The following POMT1 variants were observed in gnomAD, a reference collection of about 807,000 sequenced individuals.
The protein encoded by POMT1 is protein O-mannosyltransferase 1.
Under a neutral mutation model 101.6 loss-of-function variants are expected in POMT1, and 85 were observed. The observed-to-expected ratio is 0.84, with a 90% confidence interval of 0.70 to 1.00. The LOEUF is 1.00. POMT1 is among the 50% of genes least tolerant of loss of function. POMT1 has a pLI of 0.00. For missense variants in POMT1, 857 were observed against 930.4 expected, an observed-to-expected ratio of 0.92 and a Z score of 1.03; for synonymous variants, 371 against 383.0, an observed-to-expected ratio of 0.97 and a Z score of 0.37.
intron 10 of POMT1, 148 bp downstream of exon 10, chr9:131,511,615 T>C (rs1947130293): frequency 9.1e-7 from 1 of 1,104,910 alleles, no homozygotes; most frequent in Admixed American, 2.0e-5. Context: ...CCAGTGAGCT[T>C]CGTGGTTCCC....
At chr9:131,505,161 C>A (rs542848502) in intron 2 of POMT1, among the ~76,000 whole-genome samples, 14 of 152,110 alleles carry the variant, frequency 9.2e-5, no homozygotes, top group South Asian at 2.1e-4. Context: ...AATGACCCCC[C>A]CACACACACC....
chr9:131,521,540 G>A (rs1949917126), intron 18 of POMT1, 68 bp downstream of exon 18: 1 of 1,565,804 alleles, frequency 6.4e-7, no homozygotes, highest in Non-Finnish European at 8.8e-7. Flanking sequence ...GTGTTGTCCA[G>A]GGTGTTCTTG....
chr9:131,518,911 C>T lies in POMT1; in HGVS notation c.1440C>T (p.Tyr480=), dbSNP rs1217336356. The T allele has an allele frequency of 6.2e-7, 1 of 1,613,818 alleles. No individual in the cohort carries two copies. Among genetic ancestry groups the T allele is most frequent in the Non-Finnish European group, 8.5e-7 (1 of 1,180,036 alleles). The stretch of plus-strand genomic sequence containing the variant: ...TCGGGGAGAAGCTGTCCCGGGGCTA[C>T]CACGGGAGCACGGTGTGGAACGTGG... ...EIVGEKLSRG[Y]HGSTVWNVEE... is the part of the protein sequence containing the mutation. The change falls in exon 15 of 20, where the codon TAC becomes TAT. Residue 480 remains tyrosine, a synonymous_variant. Coordinates refer to ENST00000402686, the MANE Select transcript of POMT1 (RefSeq NM_001077365.2).
intron 12 of POMT1, among the ~76,000 whole-genome samples, chr9:131,514,997 A>T (rs1947993459): frequency 6.6e-6 from 1 of 152,166 alleles, no homozygotes; most frequent in African/African-American, 2.4e-5. Flanking sequence ...ATTGAGGTTG[A>T]TAGCCTTTTC....
At chr9:131,512,007 G>A (rs770851958) in intron 10 of POMT1, 34 bp from the exon 11 acceptor site, 11 of 1,613,188 alleles carry the variant, frequency 6.8e-6, no homozygotes, top group Non-Finnish European at 9.3e-6. Context: ...CACCGCGCCT[G>A]GCCCAGATAC....
rs200195080 is a variant in POMT1, at chr9:131,521,489, C to T, written c.1825+17C>T. 1.1e-4 allele frequency: 172 copies of T among 1,612,720 alleles called. No individual in the cohort carries two copies. The highest frequency in any genetic ancestry group is 1.4e-4 in the Non-Finnish European group (161 of 1,178,978). ...TCCCTCAGGGTTAGTACCTCTCCCA[C>T]ATGGCTTTCTTTCTTTTTAATATAG... On this transcript the variant is annotated intron_variant, in intron 18 of 19. Transcript: ENST00000402686.
At chr9:131,505,875 G>A (rs947610163) in intron 2 of POMT1, among the ~76,000 whole-genome samples, 18 of 152,128 alleles carry the variant, frequency 1.2e-4, no homozygotes, top group African/African-American at 4.3e-4. Context: ...GACAGAATCT[G>A]TATGGGCAGG....
At position 131,507,493 on chromosome 9, in the gene POMT1, G is replaced by A; in HGVS notation, c.406G>A (p.Ala136Thr). 1.2e-6 allele frequency: 2 copies of A among 1,614,182 alleles called. No homozygotes were observed. Among genetic ancestry groups the A allele is most frequent in the Non-Finnish European group, 1.7e-6 (2 of 1,180,046 alleles). Reference protein sequence around the residue: ...LHFSHCAAMGAALLMLIENAL... With the variant: ...LHFSHCAAMGTALLMLIENAL... ...CTTTTCTCATTGTGCCGCCATGGGA[G>A]CTGCTCTGTTGATGCTTATCGGTAA... Residue 136 changes from alanine (A) to threonine (T), a missense_variant, in exon 5 of 20, where the codon GCT becomes ACT. Physicochemically the swap from Ala to Thr is moderately conservative, Grantham distance 58. Transcript: ENST00000402686.
chr9:131,521,680 T>C (rs375713522), intron 18 of POMT1, among the ~76,000 whole-genome samples: 2 of 152,246 alleles, frequency 1.3e-5, no homozygotes, highest in East Asian at 1.9e-4. Flanking sequence ...CGCGGCCTCT[T>C]TGTTTCTGTA....
chr9:131,522,095 G>A lies in POMT1; in HGVS notation c.1874G>A (p.Trp625Ter). The A allele has an allele frequency of 4.3e-6, 7 of 1,614,116 alleles. No individual in the cohort carries two copies. The highest frequency in any genetic ancestry group is 5.9e-6 in the Non-Finnish European group (7 of 1,180,048). Residue 625 changes from tryptophan (W) to a stop codon, truncating the protein, a stop_gained, in exon 19 of 20, where the codon TGG becomes TAG. Coordinates refer to ENST00000402686, the MANE Select transcript of POMT1 (RefSeq NM_001077365.2). LOFTEE classifies it high-confidence loss of function. The surrounding 1 kb of genome is among the most constrained non-coding windows in gnomAD (Gnocchi z 5.5). ...VLAGALCAGG[W>*]AVNYLPFFLM... Reference sequence around the variant, plus strand: ...GCTGGGGCGCTGTGTGCCGGTGGCTGGGCAGTGAACTACCTCCCGTTCTTC... The same window carrying A: ...GCTGGGGCGCTGTGTGCCGGTGGCTAGGCAGTGAACTACCTCCCGTTCTTC...
At chr9:131,521,968 T>C (rs1950019256) in intron 18 of POMT1, 79 bp from the exon 19 acceptor site, 1 of 1,601,268 alleles carries the variant, frequency 6.2e-7, no homozygotes, top group Non-Finnish European at 8.5e-7. Flanking sequence ...AAGAACCCTC[T>C]CTCTAAAAAA....
chr9:131,519,556 C>T lies in POMT1; in HGVS notation c.1584+70C>T. 1 of 1,415,786 alleles carries T rather than the reference C, an allele frequency of 7.1e-7. No homozygotes were observed. Among genetic ancestry groups the T allele is most frequent in the Non-Finnish European group, 9.7e-7 (1 of 1,034,784 alleles). The allele number at this position is 1,415,786 out of a possible 1,614,324, so 87.7% of individuals were successfully genotyped here. The stretch of plus-strand genomic sequence containing the variant: ...ACTCCTCAGCAGGGAGGCCTGGGGG[C>T]TGCACAGGACTCAAACCAGAGTCAG... On this transcript the variant is annotated intron_variant, in intron 16 of 19. Coordinates refer to ENST00000402686, the MANE Select transcript of POMT1 (RefSeq NM_001077365.2). This position sits in a 1 kb window ranked among gnomAD's most constrained non-coding sequence, Gnocchi z 4.3.
chr9:131,507,419 C>CG lies in POMT1; in HGVS notation c.337dup (p.Ala113GlyfsTer219), dbSNP rs771410019. 1.2e-6 allele frequency: 2 copies of CG among 1,614,208 alleles called. No individual in the cohort carries two copies. Among genetic ancestry groups the CG allele is most frequent in the East Asian group, 2.2e-5 (1 of 44,882 alleles). ...TCCCTGCGCCTGCTGCCAGCACTCG[C>CG]GGGGGCCTTGTCGGTCCCCATGGCC... On this transcript the variant is annotated frameshift_variant, in exon 5 of 20. Transcript: ENST00000402686. LOFTEE classifies it high-confidence loss of function.
Position 131,516,583 on chromosome 9 carries a change from C to G in POMT1, c.1272+1061C>G, listed in dbSNP as rs527939289. On this transcript the variant is annotated intron_variant, in intron 13 of 19. Transcript: ENST00000402686. Reference sequence around the variant, plus strand: ...TAAAGTTACATAAGTTTTATTCGTACATAAAGTCACAGATGTTTTCACAGG... The same window carrying G: ...TAAAGTTACATAAGTTTTATTCGTAGATAAAGTCACAGATGTTTTCACAGG... 22 of 153,248 alleles carry G rather than the reference C, an allele frequency of 1.4e-4. 1 individual carries two copies. In the South Asian group the frequency reaches 4.2e-3, roughly 29 times the overall value. The allele number at this position is 153,248 out of a possible 1,614,324, so 9.5% of individuals were successfully genotyped here. A position where few individuals can be genotyped will look rare whatever the true frequency, so the allele number is the denominator to read the frequency against.
chr9:131,520,317 A>T (rs1323370217), intron 17 of POMT1, 124 bp downstream of exon 17: 10 of 868,056 alleles, frequency 1.2e-5, no homozygotes, highest in Non-Finnish European at 1.9e-5. Flanking sequence ...TTCCTGACAA[A>T]GGCCTGTGAC....
At position 131,518,870 on chromosome 9, in the gene POMT1, C is replaced by T. The variant is rs770668718; in HGVS notation, c.1399C>T (p.Arg467Trp). The change falls in exon 15 of 20, where the codon CGG becomes TGG. Residue 467 changes from arginine (R) to tryptophan (W), a missense_variant. Arg to Trp is a moderately radical substitution (Grantham distance 101). Transcript: ENST00000402686. ...SGAHLPDWGY[R>W]QLEIVGEKLS... ...GGCTCACCTCCCTGACTGGGGGTAT[C>T]GGCAACTGGAGATCGTCGGGGAGAA... 12 of 1,613,982 alleles carry T rather than the reference C, an allele frequency of 7.4e-6. No homozygotes were observed. The highest frequency in any genetic ancestry group is 1.1e-5 in the South Asian group (1 of 91,088).
chr9:131,507,436 C>T lies in POMT1; in HGVS notation c.349C>T (p.Pro117Ser), dbSNP rs766887367. The T allele has an allele frequency of 2.5e-6, 4 of 1,614,196 alleles. No individual in the cohort carries two copies. Among genetic ancestry groups the T allele is most frequent in the Non-Finnish European group, 3.4e-6 (4 of 1,180,034 alleles). ...AGCACTCGCGGGGGCCTTGTCGGTC[C>T]CCATGGCCTACCAGATAGTGTTGGA... ...LPALAGALSV[P>S]MAYQIVLELH... is the part of the protein sequence containing the mutation. Residue 117 changes from proline (P) to serine (S), a missense_variant, in exon 5 of 20, where the codon CCC (proline) becomes TCC (serine). Pro to Ser is a moderately conservative substitution (Grantham distance 74, BLOSUM62 -1). Transcript: ENST00000402686.
rs532508425 is a variant in POMT1, at chr9:131,505,388, G to A, written c.123-726G>A. 5.5e-5 allele frequency among the ~76,000 whole-genome samples: 8 copies of A among 146,174 alleles called. No individual in the cohort carries two copies. The East Asian group carries it at 1.6e-3, about 30-fold the overall frequency. On this transcript the variant is annotated intron_variant, in intron 2 of 19. Coordinates refer to ENST00000402686, the MANE Select transcript of POMT1 (RefSeq NM_001077365.2). ...CGTGATTCTCCTACTTCAGCCTCCCGAGTACCTGGGATTACAGGCACCTGC... is the reference window on the plus strand; with the variant it reads ...CGTGATTCTCCTACTTCAGCCTCCCAAGTACCTGGGATTACAGGCACCTGC...
chr9:131,519,100 C>A lies in POMT1; in HGVS notation c.1486+143C>A. 1 of 1,327,070 alleles carries A rather than the reference C, an allele frequency of 7.5e-7. No individual in the cohort carries two copies. Among genetic ancestry groups the A allele is most frequent in the Non-Finnish European group, 1.0e-6 (1 of 957,106 alleles). The allele number at this position is 1,327,070 out of a possible 1,614,324, so 82.2% of individuals were successfully genotyped here. A position where few individuals can be genotyped will look rare whatever the true frequency, so the allele number is the denominator to read the frequency against. On this transcript the variant is annotated intron_variant, in intron 15 of 19. Transcript: ENST00000402686. The surrounding 1 kb of genome is among the most constrained non-coding windows in gnomAD (Gnocchi z 4.3). ...CGGTGGCAGGTCATCTCCCTCCCTG[C>A]ACCCTGCACTCAGCTGCTGCAGTAA...
Sources: allele counts gnomAD v4.1 joint callset (sites outside exome capture counted in the v4.1 genomes callset), GRCh38; gene constraint gnomAD v4.1.1; non-coding constraint Gnocchi (gnomAD v3.1); transcripts MANE v1.5; gene names NCBI Gene and HGNC (gene_info 2026-07-23, HGNC 2026-07-21).